Variants in XKR9 observed in about 807,000 individuals in gnomAD.
XKR9 encodes XK-related protein 9.
A neutral mutation model predicts 32.0 loss-of-function variants in XKR9; 32 were observed. The observed-to-expected ratio is 1.00, with a 90% CI of 0.76 to 1.34. The LOEUF is 1.34. XKR9 is among the 40% of genes most tolerant of loss of function. XKR9 has a pLI of 0.00. For missense variants in XKR9, 546 were observed against 429.7 expected (o/e 1.27, Z -2.39); for synonymous variants, 168 against 143.4 (o/e 1.17, Z -1.22).
chr8:71,000,155 A>G, the XKR9 span, among the ~76,000 whole-genome samples: 3 of 152,250 alleles, frequency 2.0e-5, no homozygotes, highest in Admixed American at 6.5e-5. Flanking sequence ...GGCTCTAGAT[A>G]GAGAAAACTG....
At chr8:70,812,463 A>C in the XKR9 span, among the ~76,000 whole-genome samples, 1 of 152,218 alleles carries the variant, frequency 6.6e-6, no homozygotes, top group Admixed American at 6.5e-5. Context: ...AGGAGAAGGA[A>C]ATAAAGGATA....
downstream of XKR9, among the ~76,000 whole-genome samples, chr8:70,739,854 C>T (rs1806939052): frequency 6.6e-6 from 1 of 152,198 alleles, no homozygotes; most frequent in Admixed American, 6.5e-5. Context: ...GTCTGATGGG[C>T]TTCCCTTTGT....
At chr8:70,971,345 G>T in the XKR9 span, among the ~76,000 whole-genome samples, 11 of 151,600 alleles carry the variant, frequency 7.3e-5, no homozygotes, top group African/African-American at 2.7e-4. Context: ...TGAGTTCTTT[G>T]TAGATTCTGG....
chr8:70,840,736 C>CT, the XKR9 span, among the ~76,000 whole-genome samples: 1 of 152,204 alleles, frequency 6.6e-6, no homozygotes, highest in South Asian at 2.1e-4. Context: ...AATTAGTGTG[C>CT]TTGACTAAGA....
intron 2 of XKR9, among the ~76,000 whole-genome samples, chr8:70,786,871 G>C (rs1251394461): frequency 1.3e-5 from 2 of 152,002 alleles, no homozygotes; most frequent in African/African-American, 2.4e-5. Context: ...GTCTTCCTTC[G>C]TGGTTGATGG....
At chr8:70,748,256 A>G (rs1375117460) in intron 2 of XKR9, among the ~76,000 whole-genome samples, 9 of 152,050 alleles carry the variant, frequency 5.9e-5, no homozygotes, top group Non-Finnish European at 1.3e-4. Context: ...TCAGTGGGAG[A>G]CCTGTGCTCC....
At chr8:71,028,562 C>CT in the XKR9 span, among the ~76,000 whole-genome samples, 1 of 152,024 alleles carries the variant, frequency 6.6e-6, no homozygotes, top group Non-Finnish European at 1.5e-5. Flanking sequence ...CTTTTGAGAT[C>CT]TATTGCATAA....
chr8:70,807,121 TAAAGAA>T, the XKR9 span, among the ~76,000 whole-genome samples: 2 of 152,084 alleles, frequency 1.3e-5, no homozygotes, highest in African/African-American at 4.8e-5. Flanking sequence ...TCAACATTCT[TAAAGAA>T]AAGAATTTTC....
the XKR9 span, among the ~76,000 whole-genome samples, chr8:71,058,138 G>A: frequency 1.3e-5 from 2 of 151,708 alleles, no homozygotes; most frequent in African/African-American, 2.4e-5. Flanking sequence ...CCGAGATCGC[G>A]CCACTGCACT....
chr8:70,816,996 C>A, the XKR9 span, among the ~76,000 whole-genome samples: 11 of 152,172 alleles, frequency 7.2e-5, no homozygotes, highest in South Asian at 2.1e-4. Context: ...GCATCTATGA[C>A]AACCCACAGC....
At chr8:70,861,690 G>A in the XKR9 span, among the ~76,000 whole-genome samples, 1 of 151,992 alleles carries the variant, frequency 6.6e-6, no homozygotes, top group African/African-American at 2.4e-5. Flanking sequence ...TAAAGCTGTT[G>A]TGAGAATTCA....
chr8:70,979,462 C>A, the XKR9 span, among the ~76,000 whole-genome samples: 19 of 152,318 alleles, frequency 1.2e-4, 1 homozygote, highest in South Asian at 3.7e-3. Context: ...CCGTTCCTTT[C>A]TGTTTGTTAG....
chr8:70,869,862 G>A, the XKR9 span, among the ~76,000 whole-genome samples: 4 of 152,194 alleles, frequency 2.6e-5, no homozygotes, highest in East Asian at 5.8e-4. Context: ...CCTTAGGCAA[G>A]TGTGGTCTGA....
intron 2 of XKR9, among the ~76,000 whole-genome samples, chr8:70,777,715 G>C (rs1315624144): frequency 6.6e-6 from 1 of 152,142 alleles, no homozygotes; most frequent in African/African-American, 2.4e-5. Flanking sequence ...CAGTGATGAT[G>C]AGCATTTTTT....
chr8:70,890,061 T>C, the XKR9 span, among the ~76,000 whole-genome samples: 4 of 152,040 alleles, frequency 2.6e-5, no homozygotes, highest in African/African-American at 7.2e-5. Flanking sequence ...ATTGAATTTT[T>C]TTCTGAAGCC....
chr8:70,739,565 A>G (rs1011048095), downstream of XKR9, among the ~76,000 whole-genome samples: 37 of 152,156 alleles, frequency 2.4e-4, no homozygotes, highest in African/African-American at 8.4e-4. Flanking sequence ...CCTAGCCTCG[A>G]TGGTCTTTAC....
At chr8:71,040,569 C>G in the XKR9 span, among the ~76,000 whole-genome samples, 6 of 152,136 alleles carry the variant, frequency 3.9e-5, no homozygotes, top group South Asian at 2.1e-4. Context: ...TGTTTCTTTC[C>G]TTTTTGGTTG....
the XKR9 span, among the ~76,000 whole-genome samples, chr8:71,016,063 T>TC: frequency 2.6e-5 from 4 of 151,590 alleles, no homozygotes; most frequent in East Asian, 3.9e-4. Context: ...CAATCCATTT[T>TC]CCCCCCCGGT....
chr8:70,727,290 T>A (rs1196687151), intron 4 of XKR9, among the ~76,000 whole-genome samples: 2 of 151,920 alleles, frequency 1.3e-5, no homozygotes, highest in Non-Finnish European at 2.9e-5. Flanking sequence ...GGGAAAATTA[T>A]ATTTTAACTA....
Sources: allele counts gnomAD v4.1 joint callset (sites outside exome capture counted in the v4.1 genomes callset), GRCh38; gene constraint gnomAD v4.1.1; transcripts MANE v1.5; gene names NCBI Gene and HGNC (gene_info 2026-07-23, HGNC 2026-07-21).